The following RPAP2 variants were observed in gnomAD, a reference collection of about 807,000 sequenced individuals.
RPAP2 encodes the protein RNA polymerase II associated protein 2, also known as putative RNA polymerase II subunit B1 CTD phosphatase RPAP2.
Under a neutral mutation model 73.1 loss-of-function variants are expected in RPAP2, and 52 were observed. The observed-to-expected ratio is 0.71, with a 90% CI of 0.57 to 0.90. The LOEUF (loss-of-function observed/expected upper bound fraction) is 0.90. RPAP2 is among the 40% of genes least tolerant of loss of function. The probability of loss-of-function intolerance (pLI) is 0.00; values close to 1 mark genes in which losing one functional copy is unlikely to be tolerated. For synonymous variants in RPAP2, 225 were observed against 242.1 expected, an observed-to-expected ratio of 0.93 and a Z score of 0.65; for missense variants, 598 against 701.8, an observed-to-expected ratio of 0.85 and a Z score of 1.67.
At chr1:92,367,251 C>G (rs1265228838) in intron 11 of RPAP2, among the ~76,000 whole-genome samples, 1 of 152,184 alleles carries the variant, frequency 6.6e-6, no homozygotes, top group Non-Finnish European at 1.5e-5. Flanking sequence ...AACCGTATAG[C>G]CTCCTAAAAT....
chr1:92,309,578 T>TACAC (rs1452574425), intron 6 of RPAP2, among the ~76,000 whole-genome samples: 1 of 113,840 alleles, frequency 8.8e-6, no homozygotes, highest in Non-Finnish European at 1.9e-5. Context: ...CACATATACA[T>TACAC]ATACATACAC....
At chr1:92,354,487 A>G (rs188725433) in intron 11 of RPAP2, among the ~76,000 whole-genome samples, 143 of 152,332 alleles carry the variant, frequency 9.4e-4, no homozygotes, top group Non-Finnish European at 1.7e-3. Context: ...AAACAAACCT[A>G]TGTGTAATAT....
In RPAP2 at chr1:92,394,431, A is replaced by G. The variant is rs1460438996; in HGVS notation, c.*7420A>G. The G allele has an allele frequency of 1.3e-5, 2 of 152,208 alleles. No individual in the cohort carries two copies. The highest frequency in any genetic ancestry group is 3.8e-4 in the East Asian group (2 of 5,196). 9.4% of individuals were successfully genotyped at this position (152,208 alleles called of 1,614,324 possible). On this transcript the variant is annotated 3_prime_UTR_variant, in exon 13 of 13. Transcript: ENST00000610020. The stretch of plus-strand genomic sequence containing the variant: ...ATGGCATGTGTATACCTATGTAACA[A>G]AACTACATGTTCTGCACATGTAACC...
intron 6 of RPAP2, among the ~76,000 whole-genome samples, chr1:92,320,341 C>T (rs1008020380): frequency 2.0e-5 from 3 of 152,014 alleles, no homozygotes; most frequent in African/African-American, 7.2e-5. Flanking sequence ...GGCGCAATCT[C>T]GGCTCACTGC....
At chr1:92,378,714 C>T (rs1469903331) in intron 11 of RPAP2, among the ~76,000 whole-genome samples, 1 of 152,132 alleles carries the variant, frequency 6.6e-6, no homozygotes, top group African/African-American at 2.4e-5. Context: ...CTTCTCGGTT[C>T]CATCTTCTCT....
intron 1 of RPAP2, 87 bp downstream of exon 1, chr1:92,299,233 G>A (rs1571004356): frequency 1.3e-6 from 1 of 751,204 alleles, no homozygotes; most frequent in East Asian, 3.3e-5. Flanking sequence ...GGGCGCTCCT[G>A]AAAGGCTGCT....
chr1:92,383,654 G>A (rs1247030510), intron 12 of RPAP2, among the ~76,000 whole-genome samples: 1 of 152,112 alleles, frequency 6.6e-6, no homozygotes, highest in African/African-American at 2.4e-5. Context: ...ATCAGCTTGA[G>A]GAGATTTTGG....
chr1:92,384,212 T>A (rs1009780657), intron 12 of RPAP2, among the ~76,000 whole-genome samples: 2 of 151,816 alleles, frequency 1.3e-5, no homozygotes, highest in Non-Finnish European at 2.9e-5. Flanking sequence ...TGCCTCAGCC[T>A]CCCAAAGTGC....
chr1:92,378,375 AT>A (rs1655482336), intron 11 of RPAP2, among the ~76,000 whole-genome samples: 1 of 151,674 alleles, frequency 6.6e-6, no homozygotes, highest in South Asian at 2.1e-4. Context: ...AGGCTAATTT[AT>A]TTTTTATTTT....
Position 92,397,878 on chromosome 1 carries a change from C to G in RPAP2, c.*10867C>G, listed in dbSNP as rs936137556. 2.0e-5 allele frequency: 3 copies of G among 152,388 alleles called. No homozygotes were observed. The highest frequency in any genetic ancestry group is 7.2e-5 in the African/African-American group (3 of 41,448). 9.4% of individuals were successfully genotyped at this position (152,388 alleles called of 1,614,324 possible). A position where few individuals can be genotyped will look rare whatever the true frequency, so the allele number is the denominator to read the frequency against. On this transcript the variant is annotated 3_prime_UTR_variant, in exon 13 of 13. Coordinates refer to ENST00000610020, the MANE Select transcript of RPAP2 (RefSeq NM_024813.3). ...AGCCAATCTGAAAGAGCTCCCTGGC[C>G]GGGCACGGTGGCTCACGCCTGTAAT...
intron 11 of RPAP2, among the ~76,000 whole-genome samples, chr1:92,372,424 C>T (rs1280793608): frequency 6.6e-6 from 1 of 152,164 alleles, no homozygotes; most frequent in African/African-American, 2.4e-5. Flanking sequence ...CCAGACAACA[C>T]TGAATTCCAG....
intron 11 of RPAP2, among the ~76,000 whole-genome samples, chr1:92,354,444 T>C (rs757156306): frequency 6.6e-6 from 1 of 152,206 alleles, no homozygotes; most frequent in Non-Finnish European, 1.5e-5. Flanking sequence ...GAATTAGATA[T>C]AAAGTTGTAA....
intron 8 of RPAP2, among the ~76,000 whole-genome samples, chr1:92,329,845 G>T (rs761900483): frequency 6.6e-6 from 1 of 152,146 alleles, no homozygotes; most frequent in Non-Finnish European, 1.5e-5. Context: ...AGTGACATTA[G>T]CGTATGAATT....
intron 10 of RPAP2, among the ~76,000 whole-genome samples, chr1:92,342,104 AG>A (rs1653625783): frequency 6.6e-6 from 1 of 152,224 alleles, no homozygotes; most frequent in Admixed American, 6.5e-5. Context: ...ATTCTAATAG[AG>A]GGAGTACAAA....
rs376072892 is a variant in RPAP2, at chr1:92,323,899, G to A, written c.979G>A (p.Val327Ile). 9 of 1,613,996 alleles carry A rather than the reference G, an allele frequency of 5.6e-6. No individual in the cohort carries two copies. Among genetic ancestry groups the A allele is most frequent in the South Asian group, 4.4e-5 (4 of 91,082 alleles). Residue 327 changes from valine (V) to isoleucine (I), a missense_variant, in exon 8 of 13, where the codon GTA (valine) becomes ATA (isoleucine). This residue lies in a region of RPAP2 where 506 missense variants were observed against 612.8 expected (regional missense o/e 0.83). Coordinates refer to ENST00000610020, the MANE Select transcript of RPAP2 (RefSeq NM_024813.3). The part of the protein sequence containing the change: ...SEYSRSEITL[V>I]GISKKSAEHF... ...ATACAGTAGGTCAGAAATAACTCTA[G>A]TAGGCATAAGTAAGAAAAGTGCAGA...
intron 11 of RPAP2, among the ~76,000 whole-genome samples, chr1:92,372,734 C>G (rs775657450): frequency 6.6e-6 from 1 of 152,018 alleles, no homozygotes; most frequent in Non-Finnish European, 1.5e-5. Context: ...GGCAATATAG[C>G]AAGACACTAA....
At chr1:92,369,694 A>G (rs1212218650) in intron 11 of RPAP2, among the ~76,000 whole-genome samples, 5 of 152,104 alleles carry the variant, frequency 3.3e-5, no homozygotes, top group Non-Finnish European at 7.3e-5. Flanking sequence ...GGAGTTGTTC[A>G]TTAATGAAAA....
chr1:92,372,241 C>T (rs926700508), intron 11 of RPAP2, among the ~76,000 whole-genome samples: 1 of 152,136 alleles, frequency 6.6e-6, no homozygotes, highest in African/African-American at 2.4e-5. Context: ...CATATTTCAC[C>T]TATAAGGCTT....
intron 11 of RPAP2, among the ~76,000 whole-genome samples, chr1:92,355,010 C>G (rs1019164286): frequency 2.0e-5 from 3 of 151,594 alleles, no homozygotes; most frequent in Admixed American, 6.6e-5. Flanking sequence ...GCAATCGTCC[C>G]ACCTCAACCT....
Sources: allele counts gnomAD v4.1 joint callset (sites outside exome capture counted in the v4.1 genomes callset), GRCh38; gene constraint gnomAD v4.1.1; regional missense constraint gnomAD v4.1.1; transcripts MANE v1.5; gene names NCBI Gene and HGNC (gene_info 2026-07-23, HGNC 2026-07-21).